Variants in NLRC4 observed in about 807,000 individuals in gnomAD.
NLRC4 encodes NLR family CARD domain-containing protein 4.
NLRC4 carries 63 observed loss-of-function variants against 79.9 expected under a neutral mutation model. The ratio of observed to expected loss-of-function variants is 0.79; its 90% CI spans 0.64 to 0.97. The LOEUF is 0.97. NLRC4 is among the 50% of genes least tolerant of loss of function. The pLI is 0.00. For missense variants in NLRC4, 1,074 were observed against 1,215.2 expected, an observed-to-expected ratio of 0.88 and a Z score of 1.73; for synonymous variants, 461 against 456.5, an observed-to-expected ratio of 1.01 and a Z score of -0.12.
chr2:32,255,954 C>T (rs907638937), intron 2 of NLRC4, among the ~76,000 whole-genome samples: 2 of 151,588 alleles, frequency 1.3e-5, no homozygotes, highest in Admixed American at 6.6e-5. Context: ...GTGGAGGTTG[C>T]AGTGAGCCAA....
At chr2:32,246,533 C>G (rs1465481797) in intron 4 of NLRC4, among the ~76,000 whole-genome samples, 1 of 152,224 alleles carries the variant, frequency 6.6e-6, no homozygotes, top group African/African-American at 2.4e-5. Context: ...AAACTAACCC[C>G]AGACTGCTAC....
intron 5 of NLRC4, 74 bp downstream of exon 5, chr2:32,240,959 A>G: frequency 1.1e-6 from 1 of 889,042 alleles, no homozygotes; most frequent in East Asian, 2.5e-5. Context: ...AGACACAGCC[A>G]ATGTCAGAGC....
chr2:32,254,613 G>GTTTTT (rs61379576), intron 2 of NLRC4, among the ~76,000 whole-genome samples: 38 of 95,250 alleles, frequency 4.0e-4, no homozygotes, highest in South Asian at 1.7e-3. Context: ...GCTGCTCCTG[G>GTTTTT]TTTTTTTTTT....
At chr2:32,240,973 A>G in intron 5 of NLRC4, 60 bp downstream of exon 5, 2 of 1,041,960 alleles carry the variant, frequency 1.9e-6, no homozygotes, top group Non-Finnish European at 1.5e-6. Context: ...TCAGAGCCTG[A>G]AGTTAACTCC....
chr2:32,254,398 G>C (rs546902996), intron 2 of NLRC4, among the ~76,000 whole-genome samples: 2 of 151,950 alleles, frequency 1.3e-5, no homozygotes, highest in South Asian at 4.1e-4. Flanking sequence ...CAAAACACTG[G>C]TTTTTATCCA....
intron 2 of NLRC4, among the ~76,000 whole-genome samples, chr2:32,256,000 C>G (rs547926050): frequency 6.7e-6 from 1 of 149,834 alleles, no homozygotes; most frequent in Non-Finnish European, 1.5e-5. Context: ...GGCTACAGAG[C>G]GAGACTCCAT....
rs115106576 is a variant in NLRC4 at position 32,230,411 on chromosome 2, C to T, written c.2782+4990G>A. Among the ~76,000 whole-genome samples the T allele has an allele frequency of 3.7e-3, 562 of 151,790 alleles. 5 individuals are homozygous for T. The highest frequency in any genetic ancestry group is 0.013 in the African/African-American group (550 of 41,380). ...CCATCCTGACCTCAGGTGACCCACC[C>T]GCCTTGGCCTCTCAAACTGCTGGGA... On this transcript the variant is annotated intron_variant, in intron 8 of 8. Transcript: ENST00000402280.
intron 7 of NLRC4, 151 bp from the exon 8 acceptor site, chr2:32,235,719 T>G (rs1686657912): frequency 9.9e-6 from 6 of 604,832 alleles, no homozygotes; most frequent in Non-Finnish European, 1.7e-5. Flanking sequence ...GGTTTTTTTT[T>G]GGAAAGTATT....
chr2:32,225,310 A>G (rs1173095775), intron 8 of NLRC4, among the ~76,000 whole-genome samples: 1 of 152,044 alleles, frequency 6.6e-6, no homozygotes, highest in Non-Finnish European at 1.5e-5. Flanking sequence ...TCCATTCCTT[A>G]CAGAATAGGG....
In NLRC4 at chr2:32,231,221, C is replaced by A. The variant is rs376264554; in HGVS notation, c.2782+4180G>T. On this transcript the variant is annotated intron_variant, in intron 8 of 8. Transcript: ENST00000402280. Reference sequence around the variant, plus strand: ...CCAGGCTGGAGTGCAGTGGCGCAATCTCGGCTCACTGCAACCTCTGCCTCC... The same window carrying A: ...CCAGGCTGGAGTGCAGTGGCGCAATATCGGCTCACTGCAACCTCTGCCTCC... Among the ~76,000 whole-genome samples, 5 of 152,240 alleles carry A rather than the reference C, an allele frequency of 3.3e-5. No individual in the cohort carries two copies. The East Asian group carries it at 9.7e-4, about 29-fold the overall frequency.
chr2:32,229,539 A>G (rs1385051841), intron 8 of NLRC4, among the ~76,000 whole-genome samples: 3 of 152,244 alleles, frequency 2.0e-5, no homozygotes, highest in Non-Finnish European at 2.9e-5. Context: ...TTGTAGTCTC[A>G]GATTGCTGAT....
At chr2:32,259,162 C>G (rs1278221998) in intron 1 of NLRC4, among the ~76,000 whole-genome samples, 1 of 151,542 alleles carries the variant, frequency 6.6e-6, no homozygotes, top group Non-Finnish European at 1.5e-5. Flanking sequence ...GTGGCCCCAT[C>G]ATGGCTCACG....
At chr2:32,224,954 C>CT (rs1277426279) in intron 8 of NLRC4, among the ~76,000 whole-genome samples, 189 bp from the exon 9 acceptor site, 1 of 151,790 alleles carries the variant, frequency 6.6e-6, no homozygotes, top group Admixed American at 6.6e-5. Context: ...TGAATATGGT[C>CT]TATTATATTT....
chr2:32,225,474 T>C (rs1686365369), intron 8 of NLRC4, among the ~76,000 whole-genome samples: 1 of 151,858 alleles, frequency 6.6e-6, no homozygotes, highest in African/African-American at 2.4e-5. Flanking sequence ...TTAGTGTTCA[T>C]TCTTTATCCC....
chr2:32,252,167 G>C (rs1351916702), intron 3 of NLRC4, among the ~76,000 whole-genome samples: 1 of 152,148 alleles, frequency 6.6e-6, no homozygotes, highest in African/African-American at 2.4e-5. Flanking sequence ...TTATTCTCCA[G>C]TTTTATCTTG....
At chr2:32,226,451 T>G (rs1686400693) in intron 8 of NLRC4, among the ~76,000 whole-genome samples, 1 of 152,240 alleles carries the variant, frequency 6.6e-6, no homozygotes, top group Non-Finnish European at 1.5e-5. Context: ...CTGACCGTGG[T>G]CAAGATGCTA....
intron 8 of NLRC4, among the ~76,000 whole-genome samples, chr2:32,225,409 ATGTGTGTGTGTGTG>A (rs35323064): frequency 5.4e-5 from 8 of 149,080 alleles, no homozygotes; most frequent in Admixed American, 6.7e-5. Context: ...CATACAAAGG[ATGTGTGTGTGTGTG>A]TGTGTGTGTG....
intron 8 of NLRC4, among the ~76,000 whole-genome samples, chr2:32,230,861 G>A (rs1033601312): frequency 6.6e-6 from 1 of 152,112 alleles, no homozygotes; most frequent in Admixed American, 6.6e-5. Context: ...TTCCTCAGCA[G>A]CTGCATCATT....
intron 8 of NLRC4, among the ~76,000 whole-genome samples, chr2:32,231,584 G>GGGGGA (rs1686539807): frequency 2.1e-5 from 2 of 97,436 alleles, no homozygotes; most frequent in African/African-American, 7.5e-5. Context: ...TGGGGGGGGG[G>GGGGGA]TGGGGGACTG....
Sources: gnomAD v4.1 joint callset for allele counts (sites outside exome capture counted in the v4.1 genomes callset) on GRCh38, gnomAD v4.1.1 for gene constraint, MANE v1.5 for transcripts, NCBI Gene and HGNC (gene_info 2026-07-23, HGNC 2026-07-21) for gene names.